DIP2C: variants seen among roughly 807,000 people sequenced by gnomAD.
DIP2C encodes DIP2 acetate--CoA ligase C (putative).
DIP2C carries 33 observed loss-of-function variants against 192.4 expected under a neutral mutation model. The ratio of observed to expected loss-of-function variants is 0.17; its 90% confidence interval spans 0.13 to 0.23. The LOEUF (loss-of-function observed/expected upper bound fraction) is 0.23, where lower values mean the gene tolerates loss of function less well. Among genes scored for constraint, DIP2C ranks in the 10% least tolerant of loss-of-function variants. The probability of loss-of-function intolerance (pLI) is 1.00; values close to 1 mark genes in which losing one functional copy is unlikely to be tolerated. For synonymous variants in DIP2C, 979 were observed against 864.1 expected (o/e 1.13, Z -2.33); for missense variants, 1,537 against 2,110.1 (o/e 0.73, Z 5.32).
chr10:617,655 A>ACCCCC (rs3049602), intron 1 of DIP2C, among the ~76,000 whole-genome samples: 67 of 132,450 alleles, frequency 5.1e-4, no homozygotes, highest in African/African-American at 1.0e-3. Context: ...TGTGGATACC[A>ACCCCC]CCCCCCCACC....
At chr10:378,642 TAAAGAC>T in intron 17 of DIP2C, among the ~76,000 whole-genome samples, 1 of 131,772 alleles carries the variant, frequency 7.6e-6, no homozygotes, top group East Asian at 2.5e-4. Flanking sequence ...CAGACATGCA[TAAAGAC>T]ACACATGAAC....
intron 1 of DIP2C, among the ~76,000 whole-genome samples, chr10:491,413 T>C (rs986112274): frequency 2.0e-5 from 3 of 152,242 alleles, no homozygotes; most frequent in African/African-American, 7.2e-5. Flanking sequence ...TATTGCTTTA[T>C]AAGGAGCCAG....
At chr10:439,293 TCC>T (rs1224999780) in intron 4 of DIP2C, among the ~76,000 whole-genome samples, 2 of 141,628 alleles carry the variant, frequency 1.4e-5, no homozygotes, top group East Asian at 2.0e-4. Flanking sequence ...CGGCGTTCAC[TCC>T]CTTGCCAACA....
At chr10:537,573 C>T (rs1266945881) in intron 1 of DIP2C, among the ~76,000 whole-genome samples, 1 of 151,870 alleles carries the variant, frequency 6.6e-6, no homozygotes, top group African/African-American at 2.4e-5. Flanking sequence ...CCGTCCCCCT[C>T]CCCCGCACAC....
At chr10:393,174 TC>T (rs1404287373) in intron 10 of DIP2C, among the ~76,000 whole-genome samples, 2 of 152,148 alleles carry the variant, frequency 1.3e-5, no homozygotes. Context: ...AAAAGAATCC[TC>T]CCAGGATGCA....
chr10:292,658 CTTCA>C (rs1955549728), intron 32 of DIP2C, among the ~76,000 whole-genome samples: 3 of 152,222 alleles, frequency 2.0e-5, no homozygotes, highest in Admixed American at 6.5e-5. Context: ...TCTGTGAGGT[CTTCA>C]TTCTTCATTC....
intron 1 of DIP2C, among the ~76,000 whole-genome samples, chr10:544,906 A>T (rs978628299): frequency 6.6e-6 from 1 of 152,090 alleles, no homozygotes; most frequent in African/African-American, 2.4e-5. Flanking sequence ...AACATTTTTA[A>T]TTTTGATACT....
chr10:341,383 C>T (rs1030887789), intron 28 of DIP2C, 54 bp from the exon 29 acceptor site: 53 of 1,607,860 alleles, frequency 3.3e-5, no homozygotes, highest in South Asian at 3.2e-4. Context: ...CTCAGACACC[C>T]GGGACAATAC....
intron 1 of DIP2C, among the ~76,000 whole-genome samples, chr10:634,474 A>T (rs1452109658): frequency 6.6e-6 from 1 of 152,222 alleles, no homozygotes; most frequent in Non-Finnish European, 1.5e-5. Context: ...AGGGATGCCA[A>T]GTAAGTTTCT....
At chr10:470,849 T>C (rs749818010) in intron 3 of DIP2C, among the ~76,000 whole-genome samples, 3 of 152,286 alleles carry the variant, frequency 2.0e-5, no homozygotes, top group Admixed American at 1.3e-4. Context: ...AAATGGAAGA[T>C]AGACCCCCAC....
intron 31 of DIP2C, among the ~76,000 whole-genome samples, chr10:319,688 T>C (rs1956923883): frequency 6.6e-6 from 1 of 152,220 alleles, no homozygotes; most frequent in Non-Finnish European, 1.5e-5. Context: ...ATTTGATCTT[T>C]CTAATGTCCA....
At chr10:618,504 C>T (rs1485748782) in intron 1 of DIP2C, among the ~76,000 whole-genome samples, 2 of 152,232 alleles carry the variant, frequency 1.3e-5, no homozygotes, top group Admixed American at 6.5e-5. Context: ...CACGAGCAGG[C>T]GCCCACCATG....
intron 4 of DIP2C, among the ~76,000 whole-genome samples, chr10:433,679 T>G (rs1432187651): frequency 6.6e-6 from 1 of 151,912 alleles, no homozygotes; most frequent in East Asian, 1.9e-4. Flanking sequence ...AGACTCCATC[T>G]CAAAAAAAAT....
intron 1 of DIP2C, among the ~76,000 whole-genome samples, chr10:661,147 T>C (rs573255474): frequency 3.9e-5 from 6 of 152,336 alleles, no homozygotes; most frequent in Non-Finnish European, 8.8e-5. Flanking sequence ...CAAGGCCTGC[T>C]CCAGGCTTGA....
chr10:450,425 C>G (rs754566105), intron 3 of DIP2C, among the ~76,000 whole-genome samples: 1 of 152,190 alleles, frequency 6.6e-6, no homozygotes, highest in Non-Finnish European at 1.5e-5. Context: ...AAGCTGGTAT[C>G]AGTTATGGAT....
intron 19 of DIP2C, chr10:365,117 T>C (rs762889534): frequency 2.3e-6 from 1 of 438,016 alleles, no homozygotes; most frequent in South Asian, 1.7e-5. Context: ...GAAACGGAGA[T>C]GGAGTTTTTA....
intron 31 of DIP2C, among the ~76,000 whole-genome samples, chr10:316,157 G>A (rs1956764711): frequency 6.6e-6 from 1 of 152,028 alleles, no homozygotes; most frequent in Non-Finnish European, 1.5e-5. Flanking sequence ...TCTTTCTAGG[G>A]CCATCTCCTC....
At chr10:634,555 AC>A (rs1300531826) in intron 1 of DIP2C, among the ~76,000 whole-genome samples, 1 of 152,184 alleles carries the variant, frequency 6.6e-6, no homozygotes, top group Non-Finnish European at 1.5e-5. Flanking sequence ...TACTTACTGA[AC>A]AACGTCCTTA....
chr10:592,209 A>C (rs75955020), intron 1 of DIP2C, among the ~76,000 whole-genome samples: 1 of 152,166 alleles, frequency 6.6e-6, no homozygotes, highest in African/African-American at 2.4e-5. Flanking sequence ...CGGAGGACCC[A>C]TTCAGATGAC....
Sources: gnomAD v4.1 joint callset for allele counts (sites outside exome capture counted in the v4.1 genomes callset) on GRCh38, gnomAD v4.1.1 for gene constraint, MANE v1.5 for transcripts, NCBI Gene and HGNC (gene_info 2026-07-23, HGNC 2026-07-21) for gene names.